The following RAB31 variants were observed in gnomAD, a reference collection of about 807,000 sequenced individuals.
The protein encoded by RAB31 is ras-related protein Rab-31.
In RAB31, 21 loss-of-function variants were observed where a neutral mutation model predicts 25.6. That is an observed-to-expected ratio of 0.82 (90% confidence interval 0.58 to 1.18). The LOEUF (loss-of-function observed/expected upper bound fraction) is 1.18. Ranked by LOEUF, RAB31 falls within the 50% of genes most tolerant of loss-of-function variation. RAB31 has a pLI of 0.00. For synonymous variants in RAB31, 87 were observed against 84.0 expected (o/e 1.04, Z -0.20); for missense variants, 196 against 250.1 (o/e 0.78, Z 1.46).
At chr18:9,843,818 G>A (rs997447551) in intron 5 of RAB31, among the ~76,000 whole-genome samples, 2 of 152,128 alleles carry the variant, frequency 1.3e-5, no homozygotes, top group African/African-American at 2.4e-5. Flanking sequence ...TGGGGCCATC[G>A]CCTTTAACAT....
intron 1 of RAB31, among the ~76,000 whole-genome samples, chr18:9,719,310 TATATATATATATATATATAAATAA>T (rs1301556269): frequency 6.4e-4 from 36 of 56,296 alleles, no homozygotes; most frequent in East Asian, 7.6e-4. Context: ...TATATATATA[TATATATATATATATATATAAATAA>T]ATAAATTTGA....
intron 1 of RAB31, among the ~76,000 whole-genome samples, chr18:9,725,205 C>T (rs2068091460): frequency 6.6e-6 from 1 of 152,202 alleles, no homozygotes; most frequent in Admixed American, 6.5e-5. Context: ...AATGCCATTT[C>T]TACCACATTT....
Position 9,760,105 on chromosome 18 carries a change from C to T in RAB31, c.40-15173C>T, listed in dbSNP as rs564564007. Among the ~76,000 whole-genome samples the T allele has an allele frequency of 3.3e-5, 5 of 151,978 alleles. No homozygotes were observed. In the South Asian group the frequency reaches 1.0e-3, roughly 32 times the overall value. On this transcript the variant is annotated intron_variant, in intron 1 of 6. Transcript: ENST00000578921. ...AACCTGGGTTAAAGATATGCATCTTCCACATTTTCTCTGGTGCTTTAGAAT... is the reference window on the plus strand; with the variant it reads ...AACCTGGGTTAAAGATATGCATCTTTCACATTTTCTCTGGTGCTTTAGAAT...
Position 9,815,185 on chromosome 18 carries a change from G to T in RAB31, c.343G>T (p.Ala115Ser). The T allele has an allele frequency of 6.4e-7, 1 of 1,556,844 alleles. No individual in the cohort carries two copies. The highest frequency in any genetic ancestry group is 1.2e-5 in the South Asian group (1 of 84,350). Residue 115 changes from alanine (A) to serine (S), a missense_variant, in exon 5 of 7, where the codon GCC (alanine) becomes TCC (serine). By Grantham distance (99) the Ala-to-Ser change is moderately conservative. Coordinates refer to ENST00000578921, the MANE Select transcript of RAB31 (RefSeq NM_006868.4). ...KEHGPENIVM[A>S]IAGNKCDLSD... Reference sequence around the variant, plus strand: ...ACATGGTCCAGAAAACATTGTAATGGCCATCGCTGGAAACAAGTGCGACCT... The same window carrying T: ...ACATGGTCCAGAAAACATTGTAATGTCCATCGCTGGAAACAAGTGCGACCT...
intron 5 of RAB31, among the ~76,000 whole-genome samples, chr18:9,831,896 G>A (rs534798199): frequency 6.6e-6 from 1 of 152,312 alleles, no homozygotes; most frequent in African/African-American, 2.4e-5. Flanking sequence ...ATTCTGAGTG[G>A]CCAGTTGTGG....
intron 2 of RAB31, among the ~76,000 whole-genome samples, chr18:9,776,972 G>T (rs111371225): frequency 0.011 from 1,744 of 152,268 alleles, 38 homozygotes; most frequent in African/African-American, 0.04. Context: ...TGCTCATTGG[G>T]ATATTTCAGA....
intron 5 of RAB31, among the ~76,000 whole-genome samples, chr18:9,838,972 G>T (rs1027790170): frequency 2.6e-5 from 4 of 152,142 alleles, no homozygotes; most frequent in Admixed American, 6.5e-5. Flanking sequence ...AGGCAACTTG[G>T]GGTGATTTTT....
chr18:9,808,737 A>C (rs1373453775), intron 3 of RAB31, among the ~76,000 whole-genome samples: 1 of 152,210 alleles, frequency 6.6e-6, no homozygotes, highest in African/African-American at 2.4e-5. Flanking sequence ...GCGACTCAAC[A>C]GGGACAGAGC....
At chr18:9,839,472 G>T (rs1307347889) in intron 5 of RAB31, among the ~76,000 whole-genome samples, 1 of 152,186 alleles carries the variant, frequency 6.6e-6, no homozygotes, top group African/African-American at 2.4e-5. Context: ...GAGGCTAGAG[G>T]ACCAGGAAAG....
At chr18:9,833,928 A>T (rs953855129) in intron 5 of RAB31, among the ~76,000 whole-genome samples, 1 of 152,100 alleles carries the variant, frequency 6.6e-6, no homozygotes, top group Non-Finnish European at 1.5e-5. Context: ...GATTTTATTG[A>T]CTTATAAGTA....
At position 9,837,718 on chromosome 18, in the gene RAB31, T is replaced by G. The variant is rs80288354; in HGVS notation, c.381-7864T>G. On this transcript the variant is annotated intron_variant, in intron 5 of 6. Transcript: ENST00000578921. ...GCTTCTAAAAAGTTATTCACCATCC[T>G]TGAATAAAAGTTTCTCAGAATTAAT... Among the ~76,000 whole-genome samples, 207 of 152,356 alleles carry G rather than the reference T, an allele frequency of 1.4e-3. 1 individual carries two copies. The highest frequency in any genetic ancestry group is 4.7e-3 in the African/African-American group (196 of 41,594).
intron 5 of RAB31, among the ~76,000 whole-genome samples, chr18:9,820,502 A>G (rs1175264560): frequency 6.6e-6 from 1 of 152,038 alleles, no homozygotes; most frequent in East Asian, 1.9e-4. Context: ...GTATCAGGGC[A>G]ATAACAGTCT....
chr18:9,817,611 G>C (rs939378779), intron 5 of RAB31, among the ~76,000 whole-genome samples: 1 of 152,140 alleles, frequency 6.6e-6, no homozygotes, highest in African/African-American at 2.4e-5. Flanking sequence ...TATTAGAATG[G>C]GAAGGCAGGT....
chr18:9,814,132 G>A (rs1237320444), intron 4 of RAB31, 41 bp downstream of exon 4: 1 of 1,433,366 alleles, frequency 7.0e-7, no homozygotes, highest in Non-Finnish European at 9.7e-7. Flanking sequence ...CATTTATGGT[G>A]GTTCTCTCAC....
intron 5 of RAB31, among the ~76,000 whole-genome samples, chr18:9,835,581 A>C (rs1485722076): frequency 6.6e-6 from 1 of 152,194 alleles, no homozygotes; most frequent in East Asian, 1.9e-4. Flanking sequence ...AGTTAAGGAC[A>C]TGTGTTATTA....
chr18:9,858,921 G>A (rs974933067), intron 6 of RAB31, among the ~76,000 whole-genome samples: 5 of 152,172 alleles, frequency 3.3e-5, no homozygotes, highest in African/African-American at 9.7e-5. Context: ...GCGGAGGCTG[G>A]ATGGGAGCTG....
intron 1 of RAB31, among the ~76,000 whole-genome samples, chr18:9,714,614 T>G (rs1040899097): frequency 1.3e-5 from 2 of 152,268 alleles, no homozygotes; most frequent in Admixed American, 6.5e-5. Flanking sequence ...ATTTGGTGTT[T>G]GCATGCCTGT....
intron 1 of RAB31, among the ~76,000 whole-genome samples, chr18:9,715,488 G>A (rs2068039555): frequency 6.7e-6 from 1 of 150,172 alleles, no homozygotes; most frequent in Non-Finnish European, 1.5e-5. Context: ...GATTCAGCAG[G>A]AGTAACATTT....
intron 6 of RAB31, among the ~76,000 whole-genome samples, chr18:9,854,582 C>A (rs2068806079): frequency 6.6e-6 from 1 of 152,184 alleles, no homozygotes; most frequent in Admixed American, 6.5e-5. Flanking sequence ...GAGCTTCCCA[C>A]CTGAGAATCC....
Sources: allele counts gnomAD v4.1 joint callset (sites outside exome capture counted in the v4.1 genomes callset), GRCh38; gene constraint gnomAD v4.1.1; transcripts MANE v1.5; gene names NCBI Gene and HGNC (gene_info 2026-07-23, HGNC 2026-07-21).